TDRD3: variants seen among roughly 807,000 people sequenced by gnomAD.
TDRD3 encodes tudor domain containing 3, also known as tudor domain-containing protein 3.
TDRD3 carries 45 observed loss-of-function variants against 86.7 expected under a neutral mutation model. The observed-to-expected ratio is 0.52, with a 90% CI of 0.41 to 0.67. The LOEUF is 0.67. Ranked by LOEUF, TDRD3 falls within the 30% of genes least tolerant of loss-of-function variation. The pLI is 0.00. For synonymous variants in TDRD3, 298 were observed against 301.7 expected (o/e 0.99, Z 0.13); for missense variants, 814 against 889.0 (o/e 0.92, Z 1.07).
intron 1 of TDRD3, among the ~76,000 whole-genome samples, chr13:60,416,577 G>A (rs569893033): frequency 6.6e-6 from 1 of 152,304 alleles, no homozygotes; most frequent in East Asian, 1.9e-4. Flanking sequence ...TTTAGCACAT[G>A]TATGACTGTG....
intron 12 of TDRD3, among the ~76,000 whole-genome samples, chr13:60,566,721 G>A (rs1214546445): frequency 1.3e-5 from 2 of 152,124 alleles, no homozygotes; most frequent in Admixed American, 6.5e-5. Context: ...CAGGGTGGCA[G>A]TACTCAGTAA....
At chr13:60,450,583 G>C (rs374970680) in intron 3 of TDRD3, among the ~76,000 whole-genome samples, 1 of 152,024 alleles carries the variant, frequency 6.6e-6, no homozygotes, top group African/African-American at 2.4e-5. Context: ...TATATTTTCT[G>C]GTATGTATCT....
chr13:60,456,069 CAA>C (rs35117003), intron 3 of TDRD3, among the ~76,000 whole-genome samples: 8 of 95,524 alleles, frequency 8.4e-5, no homozygotes, highest in African/African-American at 1.3e-4. Flanking sequence ...GACTATGTCT[CAA>C]AAAAAAAAAA....
At chr13:60,471,957 G>A (rs1022777188) in intron 5 of TDRD3, among the ~76,000 whole-genome samples, 3 of 151,776 alleles carry the variant, frequency 2.0e-5, no homozygotes, top group Non-Finnish European at 2.9e-5. Context: ...TGATCTTAGA[G>A]GAAACACCTT....
chr13:60,398,479 A>G (rs1340758749), intron 1 of TDRD3, among the ~76,000 whole-genome samples: 1 of 152,148 alleles, frequency 6.6e-6, no homozygotes. Context: ...GTTTTGCAGA[A>G]CCTACACAAG....
intron 3 of TDRD3, among the ~76,000 whole-genome samples, chr13:60,445,127 A>G (rs1333509565): frequency 6.6e-6 from 1 of 152,194 alleles, no homozygotes; most frequent in African/African-American, 2.4e-5. Flanking sequence ...AACTTATTAT[A>G]TACAAATATA....
intron 3 of TDRD3, among the ~76,000 whole-genome samples, chr13:60,447,138 A>G (rs982663532): frequency 2.6e-5 from 4 of 152,336 alleles, no homozygotes; most frequent in African/African-American, 7.2e-5. Context: ...TGATCTTTCA[A>G]ATAGGGCGTA....
In TDRD3 at chr13:60,535,177, G is replaced by A. The variant is rs1286332376; in HGVS notation, c.2062G>A (p.Gly688Arg). ...AGCAGTTGTTAAATTCATTGACTAC[G>A]GAAACTATGAAGAGGTGCTACTGAG... is the stretch of plus-strand genomic sequence containing the variant. ...MTAVVKFIDY[G>R]NYEEVLLSNI... is the part of the protein sequence containing the mutation. The change falls in exon 12 of 14, where the codon GGA becomes AGA. Residue 688 changes from glycine to arginine, a missense_variant. Physicochemically the swap from Gly to Arg is moderately radical, Grantham distance 125 (BLOSUM62 -2). Transcript: ENST00000377881. The A allele has an allele frequency of 1.2e-6, 2 of 1,613,866 alleles. No individual in the cohort carries two copies. The highest frequency in any genetic ancestry group is 1.1e-5 in the South Asian group (1 of 91,076).
At chr13:60,537,190 C>T (rs1251923733) in intron 12 of TDRD3, 1 of 151,916 alleles carries the variant, frequency 6.6e-6, no homozygotes, top group East Asian at 1.9e-4. Flanking sequence ...TTCTTTTCTC[C>T]TACTTTTATA....
rs144684564 is a variant in TDRD3, at chr13:60,525,897, A to G, written c.1142-2470A>G. ...AAGTGAAAAGATTTTATATTTTCCTATTAATATAGTTCTCCAGTATAGTTC... is the reference window on the plus strand; with the variant it reads ...AAGTGAAAAGATTTTATATTTTCCTGTTAATATAGTTCTCCAGTATAGTTC... On this transcript the variant is annotated intron_variant, in intron 10 of 13. Coordinates refer to ENST00000377881, the MANE Select transcript of TDRD3 (RefSeq NM_001146070.2). Among the ~76,000 whole-genome samples, 757 of 152,362 alleles carry G rather than the reference A, an allele frequency of 5.0e-3. 3 individuals are homozygous for G. Among genetic ancestry groups the G allele is most frequent in the Middle Eastern group, 0.024 (7 of 294 alleles).
chr13:60,571,284 T>C (rs1958579993), intron 13 of TDRD3, among the ~76,000 whole-genome samples: 1 of 152,184 alleles, frequency 6.6e-6, no homozygotes, highest in African/African-American at 2.4e-5. Context: ...TATCTTTGAA[T>C]GGGAGGTTCA....
chr13:60,397,206 G>A, upstream of TDRD3: 1 of 428,410 alleles, frequency 2.3e-6, no homozygotes, highest in Non-Finnish European at 4.0e-6. Flanking sequence ...CCCGCACGCG[G>A]AAGCGCCGGC....
At chr13:60,431,044 GA>G (rs1275756440) in intron 1 of TDRD3, among the ~76,000 whole-genome samples, 4 of 151,998 alleles carry the variant, frequency 2.6e-5, no homozygotes, top group African/African-American at 9.7e-5. Flanking sequence ...GAAGAGACGG[GA>G]AGAGAAAATT....
chr13:60,464,844 T>G (rs1955884088), intron 4 of TDRD3, among the ~76,000 whole-genome samples: 2 of 151,982 alleles, frequency 1.3e-5, no homozygotes, highest in South Asian at 4.1e-4. Flanking sequence ...AAAAATACAG[T>G]TAGATAGAAG....
At chr13:60,519,448 A>T (rs1421151886) in intron 10 of TDRD3, among the ~76,000 whole-genome samples, 1 of 152,212 alleles carries the variant, frequency 6.6e-6, no homozygotes, top group Non-Finnish European at 1.5e-5. Flanking sequence ...ATACCTGTTT[A>T]TCAACAAGAG....
intron 10 of TDRD3, among the ~76,000 whole-genome samples, chr13:60,511,726 A>C (rs1752421957): frequency 6.6e-6 from 1 of 152,128 alleles, no homozygotes; most frequent in South Asian, 2.1e-4. Context: ...ATTCTAGCAG[A>C]ATTCATTTTC....
intron 1 of TDRD3, among the ~76,000 whole-genome samples, chr13:60,427,431 C>T (rs1414099004): frequency 6.6e-6 from 1 of 152,050 alleles, no homozygotes; most frequent in Non-Finnish European, 1.5e-5. Context: ...TGGGTTTGAA[C>T]TGCAGTTTCG....
chr13:60,510,117 TAAC>T (rs1198818370), intron 9 of TDRD3, among the ~76,000 whole-genome samples, 198 bp downstream of exon 9: 1 of 152,142 alleles, frequency 6.6e-6, no homozygotes, highest in African/African-American at 2.4e-5. Flanking sequence ...AAAATGGATC[TAAC>T]AACAACAACA....
intron 12 of TDRD3, among the ~76,000 whole-genome samples, chr13:60,565,854 A>G (rs1958447719): frequency 1.3e-5 from 2 of 152,210 alleles, no homozygotes; most frequent in Admixed American, 1.3e-4. Context: ...AATAATAAAT[A>G]ACTTCTTTCC....
Sources: allele counts gnomAD v4.1 joint callset (sites outside exome capture counted in the v4.1 genomes callset), GRCh38; gene constraint gnomAD v4.1.1; transcripts MANE v1.5; gene names NCBI Gene and HGNC (gene_info 2026-07-23, HGNC 2026-07-21).